SELENOI: variants seen among roughly 807,000 people sequenced by gnomAD.
SELENOI encodes the protein selenoprotein I, also known as ethanolaminephosphotransferase 1.
A neutral mutation model predicts 50.7 loss-of-function variants in SELENOI; 24 were observed. The ratio of observed to expected loss-of-function variants is 0.47; its 90% confidence interval spans 0.34 to 0.67. SELENOI has a LOEUF of 0.67. Ranked by LOEUF, SELENOI falls within the 30% of genes least tolerant of loss-of-function variation. The pLI is 0.01. For synonymous variants in SELENOI, 155 were observed against 170.2 expected (o/e 0.91, Z 0.70); for missense variants, 352 against 461.4 (o/e 0.76, Z 2.17).
Position 26,348,996 on chromosome 2 carries a change from C to CTTTTTTTTTTTT in SELENOI, c.57+2731_57+2742dup, listed in dbSNP as rs869073468. 3.1e-4 allele frequency among the ~76,000 whole-genome samples: 18 copies of CTTTTTTTTTTTT among 57,688 alleles called. 3 individuals are homozygous for CTTTTTTTTTTTT. The highest frequency in any genetic ancestry group is 3.9e-4 in the African/African-American group (8 of 20,650). 37.8% of individuals were successfully genotyped at this position (57,688 alleles called of 152,430 possible). The stretch of plus-strand genomic sequence containing the variant: ...CTACCCATCCTTTGTTTTGGACAGG[C>CTTTTTTTTTTTT]TTTTTTTTTTTTTTTTTTTTTTTTT... On this transcript the variant is annotated intron_variant, in intron 1 of 9. Coordinates refer to ENST00000260585, the MANE Select transcript of SELENOI (RefSeq NM_033505.4).
Position 26,390,367 on chromosome 2 carries a change from T to G in SELENOI, c.*1264T>G, listed in dbSNP as rs1258751826. ...TGATTTTCTTTTATTTTTCACTGAATGAAGTTTGTGCTTGAATGAAGAGTG... is the reference window on the plus strand; with the variant it reads ...TGATTTTCTTTTATTTTTCACTGAAGGAAGTTTGTGCTTGAATGAAGAGTG... On this transcript the variant is annotated 3_prime_UTR_variant, in exon 10 of 10. Transcript: ENST00000260585. 6.6e-6 allele frequency: 1 copy of G among 152,570 alleles called. No homozygotes were observed. The highest frequency in any genetic ancestry group is 1.9e-4 in the East Asian group (1 of 5,198). 9.5% of individuals were successfully genotyped at this position (152,570 alleles called of 1,614,324 possible). A position where few individuals can be genotyped will look rare whatever the true frequency, so the allele number is the denominator to read the frequency against.
chr2:26,348,358 G>A (rs1477902846), intron 1 of SELENOI, among the ~76,000 whole-genome samples: 1 of 152,212 alleles, frequency 6.6e-6, no homozygotes, highest in Non-Finnish European at 1.5e-5. Flanking sequence ...CACTACAAAA[G>A]CAGTTGGTGG....
intron 6 of SELENOI, among the ~76,000 whole-genome samples, chr2:26,380,801 G>A (rs999970877): frequency 5.3e-5 from 8 of 152,230 alleles, no homozygotes; most frequent in Non-Finnish European, 1.2e-4. Context: ...ATTGTCAAAC[G>A]TTTGACTTTT....
In SELENOI at chr2:26,367,189, G is replaced by A; in HGVS notation, c.279G>A (p.Val93=). 1.2e-6 allele frequency: 2 copies of A among 1,610,760 alleles called. No homozygotes were observed. The highest frequency in any genetic ancestry group is 1.3e-5 in the African/African-American group (1 of 74,970). The change falls in exon 4 of 10, where the codon GTG becomes GTA. Residue 93 remains valine, a synonymous_variant. Coordinates refer to ENST00000260585, the MANE Select transcript of SELENOI (RefSeq NM_033505.4). ...KHVPDWVWIV[V]GILNFVAYTL... is the part of the protein sequence containing the mutation. Reference sequence around the variant, plus strand: ...TGCCTGACTGGGTTTGGATTGTAGTGGGCATCCTCAACTTCGTAGCCTACA... The same window carrying A: ...TGCCTGACTGGGTTTGGATTGTAGTAGGCATCCTCAACTTCGTAGCCTACA...
chr2:26,369,338 T>C (rs1479069594), intron 4 of SELENOI, among the ~76,000 whole-genome samples: 1 of 152,226 alleles, frequency 6.6e-6, no homozygotes, highest in African/African-American at 2.4e-5. Flanking sequence ...GACATTACCA[T>C]GTGGATATCT....
At chr2:26,380,753 A>C (rs1331518724) in intron 6 of SELENOI, among the ~76,000 whole-genome samples, 2 of 152,198 alleles carry the variant, frequency 1.3e-5, no homozygotes, top group Non-Finnish European at 2.9e-5. Context: ...GCAGTGTATG[A>C]AAGTGCTTGT....
intron 3 of SELENOI, 121 bp from the exon 4 acceptor site, chr2:26,367,025 A>G: frequency 2.5e-6 from 2 of 811,970 alleles, no homozygotes; most frequent in Non-Finnish European, 3.6e-6. Flanking sequence ...GATTCAAAAT[A>G]TATTGTAAAG....
rs181023309 is a variant in SELENOI at position 26,390,405 on chromosome 2, C to T, written c.*1302C>T. Reference sequence around the variant, plus strand: ...TGAATGAAGAGTGTATCTTAAACCCCCTTTTTTTGGACAGGCTGCACTTGG... The same window carrying T: ...TGAATGAAGAGTGTATCTTAAACCCTCTTTTTTTGGACAGGCTGCACTTGG... On this transcript the variant is annotated 3_prime_UTR_variant, in exon 10 of 10. Transcript: ENST00000260585. 3.8e-4 allele frequency: 58 copies of T among 152,552 alleles called. No homozygotes were observed. Among genetic ancestry groups the T allele is most frequent in the African/African-American group, 1.4e-3 (58 of 41,494 alleles). The allele number at this position is 152,552 out of a possible 1,614,324, so 9.4% of individuals were successfully genotyped here.
At chr2:26,378,861 C>T (rs563700428) in intron 6 of SELENOI, among the ~76,000 whole-genome samples, 13 of 152,236 alleles carry the variant, frequency 8.5e-5, no homozygotes, top group South Asian at 6.2e-4. Context: ...TCTTTTCATC[C>T]GTAAATATTT....
chr2:26,390,562 A>G lies in SELENOI; in HGVS notation c.*1459A>G, dbSNP rs1338949386. ...TGCTGCTTTGTAAAAAATAACTGTA[A>G]TTGATATTTCATTTTTAAAATTTAT... On this transcript the variant is annotated 3_prime_UTR_variant, in exon 10 of 10. Coordinates refer to ENST00000260585, the MANE Select transcript of SELENOI (RefSeq NM_033505.4). 1.9e-4 allele frequency: 29 copies of G among 152,610 alleles called. No individual in the cohort carries two copies. Among genetic ancestry groups the G allele is most frequent in the Admixed American group, 1.7e-3 (26 of 15,270 alleles). 9.5% of individuals were successfully genotyped at this position (152,610 alleles called of 1,614,324 possible).
chr2:26,355,890 G>A (rs1034242343), intron 1 of SELENOI, among the ~76,000 whole-genome samples: 6 of 151,366 alleles, frequency 4.0e-5, no homozygotes, highest in Admixed American at 2.0e-4. Context: ...ACAGTCATAC[G>A]CCACCACACC....
At chr2:26,384,515 T>C (rs986994419) in intron 7 of SELENOI, among the ~76,000 whole-genome samples, 5 of 152,196 alleles carry the variant, frequency 3.3e-5, no homozygotes, top group African/African-American at 1.2e-4. Context: ...CCTCAGAGTC[T>C]TTCATTGTGA....
chr2:26,364,669 A>G (rs534926832), intron 2 of SELENOI, among the ~76,000 whole-genome samples, 163 bp from the exon 3 acceptor site: 2 of 152,242 alleles, frequency 1.3e-5, no homozygotes, highest in South Asian at 4.1e-4. Context: ...GATGGAAGAA[A>G]GAATGCTGAT....
chr2:26,360,947 G>A (rs1321503569), intron 1 of SELENOI, among the ~76,000 whole-genome samples: 1 of 152,190 alleles, frequency 6.6e-6, no homozygotes, highest in African/African-American at 2.4e-5. Context: ...CGGCACGGTG[G>A]CTTACGCCTG....
At chr2:26,381,799 A>G (rs950702420) in intron 6 of SELENOI, among the ~76,000 whole-genome samples, 4 of 152,070 alleles carry the variant, frequency 2.6e-5, no homozygotes, top group African/African-American at 9.7e-5. Flanking sequence ...TAGAGATAAG[A>G]TTTCTGTTGG....
chr2:26,376,091 CAAAAA>C (rs57146815), intron 6 of SELENOI, among the ~76,000 whole-genome samples: 2 of 81,242 alleles, frequency 2.5e-5, no homozygotes. Context: ...GACCCTGTCT[CAAAAA>C]AAAAAAAAAA....
chr2:26,366,919 C>T (rs996776579), intron 3 of SELENOI, among the ~76,000 whole-genome samples: 6 of 152,126 alleles, frequency 3.9e-5, no homozygotes, highest in African/African-American at 7.2e-5. Context: ...TCTTGAGTTA[C>T]GATAAAAGCT....
At chr2:26,370,703 C>G (rs1677403854) in intron 4 of SELENOI, among the ~76,000 whole-genome samples, 1 of 135,788 alleles carries the variant, frequency 7.4e-6, no homozygotes, top group South Asian at 2.5e-4. Context: ...CAGAGGCGCC[C>G]CTCACCTCCC....
chr2:26,348,349 A>G (rs1420953226), intron 1 of SELENOI, among the ~76,000 whole-genome samples: 1 of 152,262 alleles, frequency 6.6e-6, no homozygotes, highest in Admixed American at 6.5e-5. Flanking sequence ...AAGAACTGAC[A>G]CTACAAAAGC....
Sources: gnomAD v4.1 joint callset for allele counts (sites outside exome capture counted in the v4.1 genomes callset) on GRCh38, gnomAD v4.1.1 for gene constraint, MANE v1.5 for transcripts, NCBI Gene and HGNC (gene_info 2026-07-23, HGNC 2026-07-21) for gene names.